Variants in KLHL3 observed in about 807,000 individuals in gnomAD.
The protein encoded by KLHL3 is kelch like family member 3, also known as kelch-like protein 3.
Under a neutral mutation model 70.5 loss-of-function variants are expected in KLHL3, and 19 were observed. The ratio of observed to expected loss-of-function variants is 0.27; its 90% CI spans 0.19 to 0.40. The LOEUF (loss-of-function observed/expected upper bound fraction) is 0.40. KLHL3 is among the 10% of genes least tolerant of loss of function. The pLI is 1.00. For synonymous variants in KLHL3, 258 were observed against 290.3 expected, an observed-to-expected ratio of 0.89 and a Z score of 1.13; for missense variants, 512 against 771.1, an observed-to-expected ratio of 0.66 and a Z score of 3.98.
At chr5:137,642,826 T>C (rs1750949531) in intron 8 of KLHL3, among the ~76,000 whole-genome samples, 1 of 152,048 alleles carries the variant, frequency 6.6e-6, no homozygotes, top group African/African-American at 2.4e-5. Context: ...AAAGAAAGTT[T>C]GCTTATACTT....
At chr5:137,679,414 C>T (rs1443975063) in intron 5 of KLHL3, among the ~76,000 whole-genome samples, 1 of 152,218 alleles carries the variant, frequency 6.6e-6, no homozygotes, top group South Asian at 2.1e-4. Context: ...CCAGCACCAA[C>T]ATCTCTGGCC....
intron 7 of KLHL3, among the ~76,000 whole-genome samples, chr5:137,660,135 A>C (rs1363751300): frequency 6.6e-6 from 1 of 152,194 alleles, no homozygotes; most frequent in East Asian, 1.9e-4. Context: ...CTTTCTGCAA[A>C]AAGGGCAAAG....
chr5:137,637,420 C>G, intron 10 of KLHL3, 25 bp from the exon 11 acceptor site: 1 of 1,603,628 alleles, frequency 6.2e-7, no homozygotes, highest in Non-Finnish European at 8.5e-7. Flanking sequence ...ACTCATGAGA[C>G]TTCCGTGGCA....
rs199469641 is a variant in KLHL3, at chr5:137,637,386, G to A, written c.1229C>T (p.Ser410Leu). The A allele has an allele frequency of 3.7e-6, 6 of 1,613,704 alleles. No individual in the cohort carries two copies. The highest frequency in any genetic ancestry group is 1.1e-5 in the South Asian group (1 of 91,070). ...GGFDGSTGLASVEAYSYKTNE... is the reference protein window; with the variant it reads ...GGFDGSTGLALVEAYSYKTNE... ...GGTCTTGTAGCTGTAGGCTTCCACCGATGCTAGGCCTGGGAGACAAGAGAC... is the reference window on the plus strand; with the variant it reads ...GGTCTTGTAGCTGTAGGCTTCCACCAATGCTAGGCCTGGGAGACAAGAGAC... The change falls in exon 11 of 15, where the codon TCG becomes TTG. Residue 410 changes from serine (S) to leucine (L), a missense_variant. Physicochemically the swap from Ser to Leu is moderately radical, Grantham distance 145. Transcript: ENST00000309755.
chr5:137,682,154 G>A (rs145825899), intron 5 of KLHL3, among the ~76,000 whole-genome samples: 6 of 152,066 alleles, frequency 3.9e-5, no homozygotes, highest in African/African-American at 1.2e-4. Context: ...CTACTAAAGT[G>A]AGTATCAACA....
chr5:137,733,861 G>A (rs1326252248), intron 1 of KLHL3, among the ~76,000 whole-genome samples: 5 of 152,338 alleles, frequency 3.3e-5, no homozygotes, highest in South Asian at 2.1e-4. Context: ...ACTTGAACGC[G>A]TGGCATGGTA....
intron 6 of KLHL3, among the ~76,000 whole-genome samples, chr5:137,668,657 G>A (rs910369156): frequency 6.6e-6 from 1 of 152,112 alleles, no homozygotes; most frequent in Non-Finnish European, 1.5e-5. Flanking sequence ...TTAAATGAAA[G>A]CTTAACAAGA....
intron 5 of KLHL3, 151 bp from the exon 6 acceptor site, chr5:137,677,805 A>C (rs760087835): frequency 4.0e-6 from 2 of 495,254 alleles, no homozygotes; most frequent in Non-Finnish European, 7.1e-6. Context: ...CAGAGACATC[A>C]TGGCTGGAGG....
At chr5:137,734,472 C>A (rs1444341186) in intron 1 of KLHL3, among the ~76,000 whole-genome samples, 1 of 152,194 alleles carries the variant, frequency 6.6e-6, no homozygotes, top group Non-Finnish European at 1.5e-5. Context: ...AAGAATGACA[C>A]CCAATCATCA....
At chr5:137,712,929 A>AT (rs1433612048) in intron 2 of KLHL3, among the ~76,000 whole-genome samples, 1 of 152,164 alleles carries the variant, frequency 6.6e-6, no homozygotes, top group Non-Finnish European at 1.5e-5. Context: ...TTGAAAAAAA[A>AT]TTTTAAAAAA....
Position 137,618,689 on chromosome 5 carries a change from C to T in KLHL3, c.*3409G>A, listed in dbSNP as rs1453832470. ...TGAGGCTTCTCCATGCCACAGGGTA[C>T]CAGGCTCAGTGCCCGTCAGTGGGAG... On this transcript the variant is annotated 3_prime_UTR_variant, in exon 15 of 15. Transcript: ENST00000309755. 1.3e-5 allele frequency: 2 copies of T among 151,690 alleles called. No homozygotes were observed. Among genetic ancestry groups the T allele is most frequent in the East Asian group, 3.9e-4 (2 of 5,184 alleles). The allele number at this position is 151,690 out of a possible 1,614,324, so 9.4% of individuals were successfully genotyped here.
intron 5 of KLHL3, among the ~76,000 whole-genome samples, chr5:137,682,843 A>T (rs1580757504): frequency 1.3e-5 from 2 of 152,318 alleles, no homozygotes; most frequent in South Asian, 4.2e-4. Context: ...AAGACTGCCT[A>T]GGGTTCAGGC....
intron 10 of KLHL3, among the ~76,000 whole-genome samples, chr5:137,637,717 C>T (rs1347449283): frequency 6.6e-6 from 1 of 152,214 alleles, no homozygotes; most frequent in Non-Finnish European, 1.5e-5. Flanking sequence ...GAGGTAGCCT[C>T]ACTGAACACC....
chr5:137,639,043 T>C lies in KLHL3; in HGVS notation c.1129A>G (p.Ile377Val). 6.2e-7 allele frequency: 1 copy of C among 1,614,186 alleles called. No individual in the cohort carries two copies. The highest frequency in any genetic ancestry group is 1.1e-5 in the South Asian group (1 of 91,076). ...YDGVKDQWTS[I>V]ASMQERRSTL... Reference sequence around the variant, plus strand: ...CTCCGGCGCTCCTGCATGCTGGCAATGGACGTCCACTGGTCCTTCACGCCG... The same window carrying C: ...CTCCGGCGCTCCTGCATGCTGGCAACGGACGTCCACTGGTCCTTCACGCCG... Residue 377 changes from isoleucine (I) to valine (V), a missense_variant, in exon 10 of 15, where the codon ATT becomes GTT. Coordinates refer to ENST00000309755, the MANE Select transcript of KLHL3 (RefSeq NM_017415.3). The surrounding 1 kb of genome is among the most constrained non-coding windows in gnomAD (Gnocchi z 5.0).
intron 1 of KLHL3, among the ~76,000 whole-genome samples, chr5:137,729,286 C>T (rs1285953915): frequency 2.0e-5 from 3 of 152,202 alleles, no homozygotes; most frequent in Admixed American, 6.5e-5. Flanking sequence ...GCATTAAAAA[C>T]TCTCAACAAA....
chr5:137,634,048 C>T lies in KLHL3; in HGVS notation c.1439G>A (p.Arg480His), dbSNP rs1236385408. The change falls in exon 12 of 15, where the codon CGC (arginine) becomes CAC (histidine). Residue 480 changes from arginine (R) to histidine (H), a missense_variant. Coordinates refer to ENST00000309755, the MANE Select transcript of KLHL3 (RefSeq NM_017415.3). ...AGGTTCTCCCATACCTGCGCCACTGCGGCGGGTGCTCATGTCCGCCACGTA... is the reference window on the plus strand; with the variant it reads ...AGGTTCTCCCATACCTGCGCCACTGTGGCGGGTGCTCATGTCCGCCACGTA... ...WIYVADMSTR[R>H]SGAGVGVLSG... 1.9e-6 allele frequency: 3 copies of T among 1,614,126 alleles called. No homozygotes were observed. Among genetic ancestry groups the T allele is most frequent in the Non-Finnish European group, 1.7e-6 (2 of 1,180,018 alleles).
intron 6 of KLHL3, among the ~76,000 whole-genome samples, chr5:137,663,336 C>T (rs1228682166): frequency 6.6e-6 from 1 of 151,752 alleles, no homozygotes; most frequent in East Asian, 1.9e-4. Context: ...GGATTACAAG[C>T]GTGAGCCACC....
chr5:137,658,525 T>G (rs1038400431), intron 7 of KLHL3, among the ~76,000 whole-genome samples: 2 of 152,238 alleles, frequency 1.3e-5, no homozygotes, highest in African/African-American at 4.8e-5. Flanking sequence ...AGTTTCCTCA[T>G]CTGTAAAATG....
At chr5:137,725,090 T>C (rs1487452908) in intron 1 of KLHL3, 7 of 983,754 alleles carry the variant, frequency 7.1e-6, no homozygotes, top group East Asian at 1.1e-4. Flanking sequence ...TAAACCTCAA[T>C]AGATTGCCCC....
Sources: allele counts gnomAD v4.1 joint callset (sites outside exome capture counted in the v4.1 genomes callset), GRCh38; gene constraint gnomAD v4.1.1; non-coding constraint Gnocchi (gnomAD v3.1); transcripts MANE v1.5; gene names NCBI Gene and HGNC (gene_info 2026-07-23, HGNC 2026-07-21).